LRRC8A: variants seen among roughly 807,000 people sequenced by gnomAD.
LRRC8A encodes the protein leucine rich repeat containing 8 VRAC subunit A.
Under a neutral mutation model 52.5 loss-of-function variants are expected in LRRC8A, and 24 were observed. The observed-to-expected ratio is 0.46, with a 90% confidence interval of 0.33 to 0.64. The LOEUF (loss-of-function observed/expected upper bound fraction) is 0.64, where lower values mean the gene tolerates loss of function less well. Ranked by LOEUF, LRRC8A falls within the 30% of genes least tolerant of loss-of-function variation. The pLI is 0.02. For missense variants in LRRC8A, 677 were observed against 1,094.7 expected, an observed-to-expected ratio of 0.62 and a Z score of 5.38; for synonymous variants, 492 against 494.2, an observed-to-expected ratio of 1.00 and a Z score of 0.06.
intron 2 of LRRC8A, among the ~76,000 whole-genome samples, chr9:128,901,522 A>AGTT (rs1840025944): frequency 6.6e-6 from 1 of 152,040 alleles, no homozygotes; most frequent in Non-Finnish European, 1.5e-5. Flanking sequence ...GCTACTCTGG[A>AGTT]GGCCAAAGCA....
chr9:128,884,431 T>C (rs1373500336), intron 1 of LRRC8A, among the ~76,000 whole-genome samples: 2 of 152,190 alleles, frequency 1.3e-5, no homozygotes, highest in African/African-American at 2.4e-5. Context: ...AGCCATTCTT[T>C]AGAAAGTGCC....
intron 2 of LRRC8A, among the ~76,000 whole-genome samples, chr9:128,889,486 T>TG (rs201635359): frequency 0.02 from 2,991 of 151,716 alleles, 109 homozygotes; most frequent in African/African-American, 0.068. Flanking sequence ...TTTTTTTTTT[T>TG]TTGTTTAATT....
chr9:128,905,573 G>A (rs561842192), intron 2 of LRRC8A, among the ~76,000 whole-genome samples: 25 of 152,186 alleles, frequency 1.6e-4, no homozygotes, highest in Non-Finnish European at 2.2e-4. Context: ...AGCCAGGCAC[G>A]GTGGCTCACT....
Position 128,911,603 on chromosome 9 carries a change from G to C in LRRC8A, c.2157+2282G>C, listed in dbSNP as rs1043172768. On this transcript the variant is annotated intron_variant, in intron 3 of 3. Transcript: ENST00000372600. This position sits in a 1 kb window ranked among gnomAD's most constrained non-coding sequence, Gnocchi z 4.9. ...CTGTGCTGGGGCTGTCCTCCTGGTT[G>C]GGGGAGGGTTCAAGCCTCCAGCCTG... Among the ~76,000 whole-genome samples, 1 of 152,122 alleles carries C rather than the reference G, an allele frequency of 6.6e-6. No homozygotes were observed. The highest frequency in any genetic ancestry group is 1.5e-5 in the Non-Finnish European group (1 of 68,012).
At position 128,916,799 on chromosome 9, in the gene LRRC8A, T is replaced by TCCA. The variant is rs1285135198; in HGVS notation, c.*429_*430insCAC. 1 of 166,600 alleles carries TCCA rather than the reference T, an allele frequency of 6.0e-6. No homozygotes were observed. Among genetic ancestry groups the TCCA allele is most frequent in the Non-Finnish European group, 1.3e-5 (1 of 75,902 alleles). The allele number at this position is 166,600 out of a possible 1,614,324, so 10.3% of individuals were successfully genotyped here. A position where few individuals can be genotyped will look rare whatever the true frequency, so the allele number is the denominator to read the frequency against. On this transcript the variant is annotated 3_prime_UTR_variant, in exon 4 of 4. Coordinates refer to ENST00000372600, the MANE Select transcript of LRRC8A (RefSeq NM_019594.4). The surrounding 1 kb of genome is among the most constrained non-coding windows in gnomAD (Gnocchi z 6.1). The stretch of plus-strand genomic sequence containing the variant: ...AAAGTTCAGCCCAGATGGAAGGTGT[T>TCCA]CAGGGAAAGGTGGGCTGCCTTTTCC...
chr9:128,898,248 T>C (rs1839898901), intron 2 of LRRC8A, among the ~76,000 whole-genome samples: 1 of 152,142 alleles, frequency 6.6e-6, no homozygotes, highest in South Asian at 2.1e-4. Flanking sequence ...TGAGACGGAG[T>C]CTTGCTCTGT....
intron 2 of LRRC8A, among the ~76,000 whole-genome samples, chr9:128,895,601 A>G (rs1839792471): frequency 6.6e-6 from 1 of 152,156 alleles, no homozygotes; most frequent in Admixed American, 6.5e-5. Flanking sequence ...TGTCCTAGGC[A>G]CCTGCTTGAG....
intron 3 of LRRC8A, among the ~76,000 whole-genome samples, chr9:128,912,312 C>T (rs12006335): frequency 6.6e-6 from 1 of 152,156 alleles, no homozygotes; most frequent in African/African-American, 2.4e-5. Context: ...AGTAACGAGG[C>T]AGTTAGCACA....
At position 128,917,030 on chromosome 9, in the gene LRRC8A, GT is replaced by G. The variant is rs769022311; in HGVS notation, c.*672del. The G allele has an allele frequency of 1.8e-3, 216 of 121,950 alleles. 1 individual carries two copies. The highest frequency in any genetic ancestry group is 8.2e-3 in the Middle Eastern group (2 of 244). The allele number at this position is 121,950 out of a possible 1,614,324, so 7.6% of individuals were successfully genotyped here. A position where few individuals can be genotyped will look rare whatever the true frequency, so the allele number is the denominator to read the frequency against. Reference sequence around the variant, plus strand: ...GTATTTGTGGCAGTTTTAGTTTTTTGTTTTTTTTTTTTTAATCAAAAAACAA... The same window carrying G: ...GTATTTGTGGCAGTTTTAGTTTTTTGTTTTTTTTTTTTAATCAAAAAACAA... On this transcript the variant is annotated 3_prime_UTR_variant, in exon 4 of 4. Coordinates refer to ENST00000372600, the MANE Select transcript of LRRC8A (RefSeq NM_019594.4).
intron 2 of LRRC8A, among the ~76,000 whole-genome samples, chr9:128,891,086 C>T (rs1839598783): frequency 6.6e-6 from 1 of 152,110 alleles, no homozygotes; most frequent in Non-Finnish European, 1.5e-5. Flanking sequence ...GCCTGGCCAA[C>T]ATGGTGAAAC....
At chr9:128,890,253 A>C (rs1048865512) in intron 2 of LRRC8A, among the ~76,000 whole-genome samples, 3 of 151,782 alleles carry the variant, frequency 2.0e-5, no homozygotes, top group Admixed American at 6.6e-5. Flanking sequence ...TCCCAGCCAC[A>C]AATGTTCCCT....
At chr9:128,889,377 C>T (rs777480027) in intron 2 of LRRC8A, among the ~76,000 whole-genome samples, 4 of 152,056 alleles carry the variant, frequency 2.6e-5, no homozygotes, top group South Asian at 2.1e-4. Context: ...ACTGACCGGA[C>T]GCCATTCTTT....
In LRRC8A at chr9:128,916,364, AGGCCTGAGCGAGGCC is replaced by A; in HGVS notation, c.2431_*12del. On this transcript the variant is annotated stop_lost and 3_prime_UTR_variant, in exon 4 of 4. Coordinates refer to ENST00000372600, the MANE Select transcript of LRRC8A (RefSeq NM_019594.4). The surrounding 1 kb of genome is among the most constrained non-coding windows in gnomAD (Gnocchi z 6.1). ...CGGCTGTGGAGGGCTGACAAGGAGC[AGGCCTGAGCGAGGCC>A]GGCCCAGCACAGCAAGCAGCAGGAC... 1 of 1,609,174 alleles carries A rather than the reference AGGCCTGAGCGAGGCC, an allele frequency of 6.2e-7. No homozygotes were observed. Among genetic ancestry groups the A allele is most frequent in the Non-Finnish European group, 8.5e-7 (1 of 1,178,110 alleles).
In LRRC8A at chr9:128,907,607, G is replaced by A. The variant is rs921116669; in HGVS notation, c.443G>A (p.Arg148His). Reference protein sequence around the residue: ...ACSNFWFKFPRTSSKLEHFVS... With the variant: ...ACSNFWFKFPHTSSKLEHFVS... ...AGCAACTTCTGGTTCAAATTCCCGC[G>A]CACCAGCTCGAAGCTGGAGCACTTT... Residue 148 changes from arginine (R) to histidine (H), a missense_variant, in exon 3 of 4, where the codon CGC (arginine) becomes CAC (histidine). Arg to His is a conservative substitution (Grantham distance 29, BLOSUM62 0). Around this residue, in one of 4 missense-constraint regions of LRRC8A, gnomAD observed 422 missense variants for 741.5 expected, o/e 0.57. Coordinates refer to ENST00000372600, the MANE Select transcript of LRRC8A (RefSeq NM_019594.4). This position sits in a 1 kb window ranked among gnomAD's most constrained non-coding sequence, Gnocchi z 9.3. 3.2e-5 allele frequency: 52 copies of A among 1,613,966 alleles called. No individual in the cohort carries two copies. The highest frequency in any genetic ancestry group is 4.2e-5 in the Non-Finnish European group (50 of 1,180,038).
In LRRC8A at chr9:128,907,312, G is replaced by A; in HGVS notation, c.148G>A (p.Asp50Asn). 6.2e-7 allele frequency: 1 copy of A among 1,613,994 alleles called. No homozygotes were observed. Among genetic ancestry groups the A allele is most frequent in the Non-Finnish European group, 8.5e-7 (1 of 1,180,022 alleles). Residue 50 changes from aspartate to asparagine, a missense_variant, in exon 3 of 4, where the codon GAC becomes AAC. By Grantham distance (23) the Asp-to-Asn change is conservative. This residue lies in a region of LRRC8A where 32 missense variants were observed against 86.0 expected (regional missense o/e 0.37). Transcript: ENST00000372600. This position sits in a 1 kb window ranked among gnomAD's most constrained non-coding sequence, Gnocchi z 9.3. The stretch of plus-strand genomic sequence containing the variant: ...CGGGGGGACGCTGCAGGTCACCCAA[G>A]ACAAGATGATCTGCCTGCCTTGTAA... ...VFGGTLQVTQ[D>N]KMICLPCKWV...
chr9:128,907,830 T>C lies in LRRC8A; in HGVS notation c.666T>C (p.Gly222=). 1 of 1,613,800 alleles carries C rather than the reference T, an allele frequency of 6.2e-7. No individual in the cohort carries two copies. Among genetic ancestry groups the C allele is most frequent in the Non-Finnish European group, 8.5e-7 (1 of 1,179,948 alleles). The part of the protein sequence containing the change: ...LQRTKSRIEQ[G]IVDRSETGVL... The stretch of plus-strand genomic sequence containing the variant: ...GGACCAAGTCACGGATCGAGCAGGG[T>C]ATCGTGGACCGCTCAGAGACGGGCG... Residue 222 remains glycine, a synonymous_variant, in exon 3 of 4, where the codon GGT becomes GGC. Coordinates refer to ENST00000372600, the MANE Select transcript of LRRC8A (RefSeq NM_019594.4). This position sits in a 1 kb window ranked among gnomAD's most constrained non-coding sequence, Gnocchi z 9.3.
At chr9:128,901,813 A>AGGTGGCTCTGACCACCCGGCT (rs1840038081) in intron 2 of LRRC8A, among the ~76,000 whole-genome samples, 1 of 152,172 alleles carries the variant, frequency 6.6e-6, no homozygotes, top group Admixed American at 6.5e-5. Context: ...GGGGGCAGGC[A>AGGTGGCTCTGACCACCCGGCT]GGTGGCTCTG....
Position 128,907,488 on chromosome 9 carries a change from C to T in LRRC8A, c.324C>T (p.Tyr108=), listed in dbSNP as rs139528042. 872 of 1,614,058 alleles carry T rather than the reference C, an allele frequency of 5.4e-4. 2 individuals are homozygous for T. In the African/African-American group the frequency reaches 0.01, roughly 19 times the overall value. ...ACCTGGACCGGCACCAGTACAACTA[C>T]GTGGACGCTGTGTGCTATGAGAACC... ...KYDLDRHQYN[Y]VDAVCYENRL... The change falls in exon 3 of 4, where the codon TAC becomes TAT. Residue 108 remains tyrosine, a synonymous_variant. Coordinates refer to ENST00000372600, the MANE Select transcript of LRRC8A (RefSeq NM_019594.4). This position sits in a 1 kb window ranked among gnomAD's most constrained non-coding sequence, Gnocchi z 9.3.
In LRRC8A at chr9:128,909,167, A is replaced by C. The variant is rs1588222928; in HGVS notation, c.2003A>C (p.Tyr668Ser). The change falls in exon 3 of 4, where the codon TAC becomes TCC. Residue 668 changes from tyrosine to serine, a missense_variant. This residue lies in a region of LRRC8A where 169 missense variants were observed against 217.6 expected (regional missense o/e 0.78). Coordinates refer to ENST00000372600, the MANE Select transcript of LRRC8A (RefSeq NM_019594.4). The stretch of plus-strand genomic sequence containing the variant: ...AACCTCACCAACCTGGAGCGCCTCT[A>C]CCTGAACCGCAACAAGATCGAGAAG... ...IGNLTNLERL[Y>S]LNRNKIEKIP... 2 of 1,614,000 alleles carry C rather than the reference A, an allele frequency of 1.2e-6. No individual in the cohort carries two copies. Among genetic ancestry groups the C allele is most frequent in the East Asian group, 2.2e-5 (1 of 44,888 alleles).
Sources: allele counts gnomAD v4.1 joint callset (sites outside exome capture counted in the v4.1 genomes callset), GRCh38; gene constraint gnomAD v4.1.1; regional missense constraint gnomAD v4.1.1; non-coding constraint Gnocchi (gnomAD v3.1); transcripts MANE v1.5; gene names NCBI Gene and HGNC (gene_info 2026-07-23, HGNC 2026-07-21).